The following AFG2A variants were observed in gnomAD, a reference collection of about 807,000 sequenced individuals.
AFG2A encodes ATPase family gene 2 protein homolog A.
chr4:123,023,626 A>G, the AFG2A span, among the ~76,000 whole-genome samples: 1 of 152,094 alleles, frequency 6.6e-6, no homozygotes, highest in Non-Finnish European at 1.5e-5. Flanking sequence ...ACAGGCCTTG[A>G]TAGTCATATA....
At chr4:123,015,546 T>A in the AFG2A span, among the ~76,000 whole-genome samples, 1 of 151,562 alleles carries the variant, frequency 6.6e-6, no homozygotes, top group African/African-American at 2.4e-5. Flanking sequence ...GAATTTTTCT[T>A]AGTACAGAAC....
the AFG2A span, among the ~76,000 whole-genome samples, chr4:122,959,485 C>G: frequency 6.6e-6 from 1 of 152,148 alleles, no homozygotes; most frequent in Non-Finnish European, 1.5e-5. Flanking sequence ...GATTGTGGAC[C>G]TGCATGTTTG....
the AFG2A span, among the ~76,000 whole-genome samples, chr4:123,190,152 A>G: frequency 6.6e-6 from 1 of 152,282 alleles, no homozygotes; most frequent in African/African-American, 2.4e-5. Flanking sequence ...TGGGAACTTT[A>G]CAACAGTACT....
the AFG2A span, among the ~76,000 whole-genome samples, chr4:123,190,234 A>T: frequency 1.3e-5 from 2 of 152,176 alleles, 1 homozygote; most frequent in African/African-American, 4.8e-5. Context: ...GTTCCTGATG[A>T]CATTGTATGC....
chr4:123,109,221 A>G, the AFG2A span, among the ~76,000 whole-genome samples: 1 of 152,206 alleles, frequency 6.6e-6, no homozygotes, highest in Non-Finnish European at 1.5e-5. Flanking sequence ...GAAATAGATG[A>G]TAAGTTTATC....
chr4:122,958,381 A>G, the AFG2A span, among the ~76,000 whole-genome samples: 1 of 152,204 alleles, frequency 6.6e-6, no homozygotes, highest in African/African-American at 2.4e-5. Flanking sequence ...GGCCACTGGC[A>G]TATATGGGTA....
chr4:122,923,656 A>C, the AFG2A span, among the ~76,000 whole-genome samples: 1 of 152,232 alleles, frequency 6.6e-6, no homozygotes, highest in Non-Finnish European at 1.5e-5. Context: ...TATCCTAAAA[A>C]ACTAAATAAC....
At chr4:123,211,396 GA>G in the AFG2A span, among the ~76,000 whole-genome samples, 3 of 152,094 alleles carry the variant, frequency 2.0e-5, no homozygotes, top group South Asian at 6.2e-4. Context: ...AAAGGCCTTA[GA>G]AGGTGCTAGT....
chr4:122,939,457 G>A, the AFG2A span, among the ~76,000 whole-genome samples: 3 of 152,152 alleles, frequency 2.0e-5, no homozygotes, highest in South Asian at 4.1e-4. Flanking sequence ...AAGAGAATAG[G>A]CATGAACAAA....
chr4:123,112,109 G>A, the AFG2A span, among the ~76,000 whole-genome samples: 3 of 152,070 alleles, frequency 2.0e-5, no homozygotes, highest in Non-Finnish European at 2.9e-5. Context: ...TGAATGGCTG[G>A]CTGACTGAAT....
the AFG2A span, among the ~76,000 whole-genome samples, chr4:122,997,180 A>G: frequency 6.6e-6 from 1 of 152,202 alleles, no homozygotes; most frequent in Non-Finnish European, 1.5e-5. Flanking sequence ...TTCACATACC[A>G]AACAATTTAT....
the AFG2A span, chr4:122,927,859 A>G: frequency 1.3e-5 from 19 of 1,475,436 alleles, no homozygotes; most frequent in South Asian, 2.0e-4. Context: ...TGGTAGTCAA[A>G]GGAAATGCTC....
the AFG2A span, among the ~76,000 whole-genome samples, chr4:123,276,263 T>G: frequency 1.3e-5 from 2 of 152,226 alleles, no homozygotes; most frequent in Non-Finnish European, 2.9e-5. Context: ...TTCCATATGC[T>G]TGTTGCCACA....
chr4:123,108,151 C>A, the AFG2A span, among the ~76,000 whole-genome samples: 2 of 152,208 alleles, frequency 1.3e-5, no homozygotes, highest in Non-Finnish European at 2.9e-5. Context: ...AGCCGCGCTC[C>A]AGACGGGCCG....
the AFG2A span, among the ~76,000 whole-genome samples, chr4:123,006,923 A>G: frequency 1.8e-3 from 212 of 114,692 alleles, 2 homozygotes; most frequent in Non-Finnish European, 2.2e-3. Context: ...TTGCAAAGTT[A>G]TTTTCTTTTA....
the AFG2A span, among the ~76,000 whole-genome samples, chr4:123,040,862 A>G: frequency 1.3e-5 from 2 of 152,142 alleles, no homozygotes; most frequent in African/African-American, 4.8e-5. Context: ...CAATAATTTT[A>G]TTGTGGAAAC....
chr4:123,052,924 TC>T, the AFG2A span, among the ~76,000 whole-genome samples: 31 of 152,086 alleles, frequency 2.0e-4, no homozygotes, highest in Non-Finnish European at 4.1e-4. Context: ...CTGGTGTAGG[TC>T]TGAGAGTCCA....
At chr4:122,989,641 G>C in the AFG2A span, among the ~76,000 whole-genome samples, 1 of 152,104 alleles carries the variant, frequency 6.6e-6, no homozygotes, top group Non-Finnish European at 1.5e-5. Flanking sequence ...TGTAGGCCTA[G>C]AGCCTAAGTC....
chr4:123,131,285 T>C, the AFG2A span, among the ~76,000 whole-genome samples: 5,573 of 152,272 alleles, frequency 0.037, 341 homozygotes, highest in African/African-American at 0.13. Flanking sequence ...TTATGTATAA[T>C]GTCTCCTATG....
Sources: allele counts gnomAD v4.1 joint callset (sites outside exome capture counted in the v4.1 genomes callset), GRCh38; gene constraint gnomAD v4.1.1; transcripts MANE v1.5; gene names NCBI Gene and HGNC (gene_info 2026-07-23, HGNC 2026-07-21).